The following PARP1 variants were observed in gnomAD, a reference collection of about 807,000 sequenced individuals.
The protein encoded by PARP1 is poly(ADP-ribose) polymerase 1, also known as poly [ADP-ribose] polymerase 1.
Under a neutral mutation model 118.7 loss-of-function variants are expected in PARP1, and 44 were observed. The ratio of observed to expected loss-of-function variants is 0.37; its 90% CI spans 0.29 to 0.48. The LOEUF (loss-of-function observed/expected upper bound fraction) is 0.48, where lower values mean the gene tolerates loss of function less well. Ranked by LOEUF, PARP1 falls within the 20% of genes least tolerant of loss-of-function variation. The probability of loss-of-function intolerance (pLI) is 0.99; values close to 1 mark genes in which losing one functional copy is unlikely to be tolerated. For synonymous variants in PARP1, 492 were observed against 483.2 expected, an observed-to-expected ratio of 1.02 and a Z score of -0.24; for missense variants, 1,100 against 1,272.4, an observed-to-expected ratio of 0.86 and a Z score of 2.06.
chr1:226,406,745 C>T (rs1175148404), intron 1 of PARP1, among the ~76,000 whole-genome samples: 1 of 152,108 alleles, frequency 6.6e-6, no homozygotes, highest in Non-Finnish European at 1.5e-5. Flanking sequence ...TTAGGTATGC[C>T]CCGAGGACAC....
At chr1:226,386,560 C>G (rs1277408757) in intron 5 of PARP1, 118 bp from the exon 6 acceptor site, 1 of 781,614 alleles carries the variant, frequency 1.3e-6, no homozygotes, top group African/African-American at 1.7e-5. Context: ...AGCGAGCTGC[C>G]CCTGCAAATC....
intron 20 of PARP1, 129 bp from the exon 21 acceptor site, chr1:226,363,289 G>A (rs984066334): frequency 1.4e-6 from 1 of 736,722 alleles, no homozygotes; most frequent in Non-Finnish European, 2.5e-6. Context: ...CATCTAAACT[G>A]CTCAGGCTCC....
In PARP1 at chr1:226,380,231, T is replaced by TA. The variant is rs973485783; in HGVS notation, c.1301-68dup. On this transcript the variant is annotated intron_variant, in intron 9 of 22. Coordinates refer to ENST00000366794, the MANE Select transcript of PARP1 (RefSeq NM_001618.4). The stretch of plus-strand genomic sequence containing the variant: ...AAACAAAACTGAAACTTCAAATTAC[T>TA]ACAGTTATATTTAGTGTGTACTTCC... 1.9e-5 allele frequency: 28 copies of TA among 1,484,718 alleles called. No homozygotes were observed. In the African/African-American group the frequency reaches 3.3e-4, roughly 18 times the overall value. 92.0% of individuals were successfully genotyped at this position (1,484,718 alleles called of 1,614,324 possible). A position where few individuals can be genotyped will look rare whatever the true frequency, so the allele number is the denominator to read the frequency against.
At chr1:226,401,666 T>C (rs1188404445) in intron 2 of PARP1, among the ~76,000 whole-genome samples, 1 of 152,192 alleles carries the variant, frequency 6.6e-6, no homozygotes, top group African/African-American at 2.4e-5. Context: ...CTCTCAGAGA[T>C]GAGCTATTCT....
At chr1:226,364,509 G>A (rs554537413) in intron 19 of PARP1, 1 of 310,912 alleles carries the variant, frequency 3.2e-6, no homozygotes, top group Non-Finnish European at 6.3e-6. Context: ...CAGCCCCAGA[G>A]AGAATCATTT....
chr1:226,379,111 T>C (rs2102734649), intron 12 of PARP1, 31 bp downstream of exon 12: 1 of 1,613,984 alleles, frequency 6.2e-7, no homozygotes, highest in Non-Finnish European at 8.5e-7. Context: ...CCCATGTCTC[T>C]GCACAACCAG....
intron 2 of PARP1, 155 bp downstream of exon 2, chr1:226,402,059 G>C (rs1365235778): frequency 2.6e-6 from 4 of 1,554,144 alleles, no homozygotes; most frequent in Non-Finnish European, 3.5e-6. Flanking sequence ...CTGAGTCCAG[G>C]AGGTGTTGCT....
At chr1:226,387,026 A>G (rs1664729377) in intron 5 of PARP1, among the ~76,000 whole-genome samples, 1 of 152,204 alleles carries the variant, frequency 6.6e-6, no homozygotes, top group Non-Finnish European at 1.5e-5. Context: ...TCTGTTGCCC[A>G]GACTGGAGTG....
intron 2 of PARP1, among the ~76,000 whole-genome samples, chr1:226,398,128 A>ACC (rs1485222922): frequency 1.3e-5 from 2 of 152,160 alleles, no homozygotes; most frequent in African/African-American, 2.4e-5. Flanking sequence ...TACAAACACC[A>ACC]AAAGCCCAAT....
chr1:226,378,409 A>C (rs908962800), intron 12 of PARP1, among the ~76,000 whole-genome samples: 1 of 151,452 alleles, frequency 6.6e-6, no homozygotes, highest in African/African-American at 2.4e-5. Context: ...ACCATGTTAA[A>C]AAAAAAAAAA....
Position 226,364,038 on chromosome 1 carries a change from G to A in PARP1, c.2691C>T (p.Phe897=), listed in dbSNP as rs758785140. 1.5e-5 allele frequency: 25 copies of A among 1,613,862 alleles called. No individual in the cohort carries two copies. The Middle Eastern group carries it at 4.9e-4, about 32-fold the overall frequency. The change falls in exon 20 of 23, where the codon TTC becomes TTT. Residue 897 remains phenylalanine (F), a synonymous_variant. Transcript: ENST00000366794. ...TGYMFGKGIY[F]ADMVSKSANY... is the part of the protein sequence containing the mutation. The stretch of plus-strand genomic sequence containing the variant: ...TGGCACTCTTGGAGACCATGTCAGC[G>A]AAATAGATCCCTTTACCAAACATGT...
chr1:226,392,445 T>C, intron 2 of PARP1, 131 bp from the exon 3 acceptor site: 1 of 740,580 alleles, frequency 1.4e-6, no homozygotes, highest in Non-Finnish European at 2.5e-6. Flanking sequence ...CTACGATTGG[T>C]CCATCTCATC....
intron 2 of PARP1, among the ~76,000 whole-genome samples, chr1:226,399,818 G>A (rs1318433034): frequency 6.6e-6 from 1 of 152,192 alleles, no homozygotes; most frequent in East Asian, 1.9e-4. Flanking sequence ...TATGTGTGGG[G>A]TGGGTAGGGC....
chr1:226,388,445 T>A (rs1664754921), intron 5 of PARP1, among the ~76,000 whole-genome samples: 1 of 152,250 alleles, frequency 6.6e-6, no homozygotes, highest in Admixed American at 6.5e-5. Context: ...GTCAGACACC[T>A]ACAGCCTAAT....
chr1:226,395,666 A>T (rs184644155), intron 2 of PARP1, among the ~76,000 whole-genome samples: 1 of 152,220 alleles, frequency 6.6e-6, no homozygotes, highest in Non-Finnish European at 1.5e-5. Context: ...AACAAAGTGC[A>T]GAAACCACCT....
intron 7 of PARP1, among the ~76,000 whole-genome samples, chr1:226,383,861 C>T (rs1293384759): frequency 6.6e-6 from 1 of 152,202 alleles, no homozygotes; most frequent in Non-Finnish European, 1.5e-5. Flanking sequence ...ACTGCCCTTT[C>T]CAGCTATGCC....
At chr1:226,384,587 G>A (rs1664681854) in intron 7 of PARP1, among the ~76,000 whole-genome samples, 1 of 152,188 alleles carries the variant, frequency 6.6e-6, no homozygotes, top group South Asian at 2.1e-4. Flanking sequence ...ACCACGTAAG[G>A]GTCTGTAAGA....
chr1:226,389,580 A>G (rs910697755), intron 4 of PARP1, among the ~76,000 whole-genome samples: 2 of 152,222 alleles, frequency 1.3e-5, no homozygotes, highest in Non-Finnish European at 2.9e-5. Flanking sequence ...TTATCATGGC[A>G]TAAGTGGGAG....
chr1:226,386,213 T>C lies in PARP1; in HGVS notation c.834+113A>G, dbSNP rs3219055. 2.0e-3 allele frequency: 1,527 copies of C among 748,844 alleles called. 19 individuals are homozygous for C. In the African/African-American group the frequency reaches 0.023, roughly 11 times the overall value. 46.4% of individuals were successfully genotyped at this position (748,844 alleles called of 1,614,324 possible). On this transcript the variant is annotated intron_variant, in intron 6 of 22. Transcript: ENST00000366794. The stretch of plus-strand genomic sequence containing the variant: ...AACCACGATTTATACTCCTTGCAAT[T>C]AATACCAGCAGGTGTTCACACGGAG...
Sources: gnomAD v4.1 joint callset for allele counts (sites outside exome capture counted in the v4.1 genomes callset) on GRCh38, gnomAD v4.1.1 for gene constraint, MANE v1.5 for transcripts, NCBI Gene and HGNC (gene_info 2026-07-23, HGNC 2026-07-21) for gene names.